The following SENP1 variants were observed in gnomAD, a reference collection of about 807,000 sequenced individuals.
SENP1 encodes the protein SUMO specific peptidase 1.
Under a neutral mutation model 93.0 loss-of-function variants are expected in SENP1, and 21 were observed. The observed-to-expected ratio is 0.23, with a 90% CI of 0.16 to 0.33. The LOEUF (loss-of-function observed/expected upper bound fraction) is 0.33, where lower values mean the gene tolerates loss of function less well. Ranked by LOEUF, SENP1 falls within the 10% of genes least tolerant of loss-of-function variation. The pLI, the probability that SENP1 is intolerant of heterozygous loss-of-function variation, is 1.00. For missense variants in SENP1, 591 were observed against 758.7 expected, an observed-to-expected ratio of 0.78 and a Z score of 2.60; for synonymous variants, 256 against 259.6, an observed-to-expected ratio of 0.99 and a Z score of 0.13.
intron 1 of SENP1, among the ~76,000 whole-genome samples, chr12:48,104,931 G>C (rs765943317): frequency 8.5e-5 from 13 of 152,230 alleles, no homozygotes; most frequent in Non-Finnish European, 1.3e-4. Context: ...AAGGGTGGTA[G>C]AGTGTAAACT....
intron 7 of SENP1, 36 bp from the exon 8 acceptor site, chr12:48,074,643 A>C: frequency 3.1e-6 from 5 of 1,607,500 alleles, no homozygotes; most frequent in Non-Finnish European, 4.3e-6. Flanking sequence ...ATATCAAGTA[A>C]TAAATTGTAG....
At chr12:48,079,065 C>T (rs1393668307) in intron 6 of SENP1, among the ~76,000 whole-genome samples, 1 of 152,102 alleles carries the variant, frequency 6.6e-6, no homozygotes, top group East Asian at 1.9e-4. Flanking sequence ...GAGGGAGTAT[C>T]ACTTGAGCCA....
chr12:48,087,771 TA>T (rs1944979805), intron 5 of SENP1, among the ~76,000 whole-genome samples: 1 of 152,172 alleles, frequency 6.6e-6, no homozygotes, highest in South Asian at 2.1e-4. Context: ...CATAAAATAA[TA>T]AAAGCCATCT....
At chr12:48,079,248 C>G (rs1944345804) in intron 6 of SENP1, among the ~76,000 whole-genome samples, 1 of 152,060 alleles carries the variant, frequency 6.6e-6, no homozygotes, top group Non-Finnish European at 1.5e-5. Context: ...GCCTGTAATA[C>G]CAGCACTTTG....
At chr12:48,098,338 A>C (rs1397366469) in intron 2 of SENP1, among the ~76,000 whole-genome samples, 1 of 151,608 alleles carries the variant, frequency 6.6e-6, no homozygotes, top group Non-Finnish European at 1.5e-5. Context: ...CTGTCTCTAC[A>C]AAAAAATTTA....
At chr12:48,050,621 T>G (rs1261070446) in intron 13 of SENP1, among the ~76,000 whole-genome samples, 1 of 152,210 alleles carries the variant, frequency 6.6e-6, no homozygotes, top group East Asian at 1.9e-4. Flanking sequence ...AAGACACAAT[T>G]AGAATCAGGT....
At chr12:48,100,725 T>TA (rs948648972) in intron 2 of SENP1, among the ~76,000 whole-genome samples, 1 of 152,168 alleles carries the variant, frequency 6.6e-6, no homozygotes, top group African/African-American at 2.4e-5. Flanking sequence ...CTCAGCCAGT[T>TA]ATAGTACATG....
intron 4 of SENP1, among the ~76,000 whole-genome samples, chr12:48,091,263 A>G (rs1945207844): frequency 6.6e-6 from 1 of 152,172 alleles, no homozygotes; most frequent in Admixed American, 6.5e-5. Context: ...CAGCCTAGCC[A>G]GTATGGTGAA....
chr12:48,061,598 G>A (rs978596073), intron 13 of SENP1, among the ~76,000 whole-genome samples: 6 of 151,988 alleles, frequency 3.9e-5, no homozygotes, highest in East Asian at 1.9e-4. Context: ...TGTAGAGATC[G>A]GGTCTTGCTA....
chr12:48,046,371 T>C lies in SENP1; in HGVS notation c.1857A>G (p.Pro619=), dbSNP rs761223341. 9.3e-6 allele frequency: 15 copies of C among 1,612,314 alleles called. No homozygotes were observed. In the East Asian group the frequency reaches 2.9e-4, roughly 31 times the overall value. Residue 619 remains proline, a synonymous_variant, in exon 17 of 18, where the codon CCA becomes CCG. Transcript: ENST00000549518. The stretch of plus-strand genomic sequence containing the variant: ...CTCAGCTCACCTGTGTGAAGTTGAT[T>C]GGTCTGTCTTTGGTAATACAGTCAG... The part of the protein sequence containing the change: ...KYADCITKDR[P]INFTQQHMPY...
At position 48,106,044 on chromosome 12, in the gene SENP1, G is replaced by C. The variant is rs1363478679; in HGVS notation, c.-61C>G. The C allele has an allele frequency of 5.7e-6, 4 of 701,942 alleles. No individual in the cohort carries two copies. The Admixed American group carries it at 8.0e-5, about 14-fold the overall frequency. The allele number at this position is 701,942 out of a possible 1,614,324, so 43.5% of individuals were successfully genotyped here. On this transcript the variant is annotated 5_prime_UTR_variant, in exon 1 of 18. Coordinates refer to ENST00000549518, the MANE Select transcript of SENP1 (RefSeq NM_001267594.2). ...GCCACTCACCGAACCGGAACCGGCT[G>C]CCATGCGAAGGGGTTTCCGGCCGGG...
Position 48,085,670 on chromosome 12 carries a change from A to G in SENP1, c.381-1908T>C, listed in dbSNP as rs11168399. On this transcript the variant is annotated intron_variant, in intron 5 of 17. Transcript: ENST00000549518. ...CTACCTCTTCCCTGTGCTGTTACACAGTGTCATTGTTGATGTTAAATTACA... is the reference window on the plus strand; with the variant it reads ...CTACCTCTTCCCTGTGCTGTTACACGGTGTCATTGTTGATGTTAAATTACA... Among the ~76,000 whole-genome samples the G allele has an allele frequency of 3.0e-4, 44 of 146,858 alleles. No individual in the cohort carries two copies. The East Asian group carries it at 6.5e-3, about 22-fold the overall frequency.
rs370196532 is a variant in SENP1 at position 48,081,127 on chromosome 12, G to A, written c.552+2464C>T. Among the ~76,000 whole-genome samples, 101 of 152,234 alleles carry A rather than the reference G, an allele frequency of 6.6e-4. 1 individual carries two copies. The South Asian group carries it at 0.019, about 28-fold the overall frequency. On this transcript the variant is annotated intron_variant, in intron 6 of 17. Transcript: ENST00000549518. ...TGAGCAACAGAAACATGGGGCAGGC[G>A]AGGGTTAGGAGCCCTGTACCCAGCT...
In SENP1 at chr12:48,086,099, T is replaced by C. The variant is rs141684981; in HGVS notation, c.381-2337A>G. Among the ~76,000 whole-genome samples, 432 of 152,294 alleles carry C rather than the reference T, an allele frequency of 2.8e-3. 1 individual carries two copies. The highest frequency in any genetic ancestry group is 8.9e-3 in the African/African-American group (368 of 41,562). ...AGCATTAAAAGTATAACAATTATAG[T>C]GGATTACAAAATACTGAATCCATAA... is the stretch of plus-strand genomic sequence containing the variant. On this transcript the variant is annotated intron_variant, in intron 5 of 17. Transcript: ENST00000549518.
At chr12:48,064,677 TTGTG>T (rs1048400437) in intron 12 of SENP1, among the ~76,000 whole-genome samples, 28 of 151,978 alleles carry the variant, frequency 1.8e-4, no homozygotes, top group Non-Finnish European at 4.1e-4. Flanking sequence ...CTATGGCTTT[TTGTG>T]TGTGTGTGTA....
At chr12:48,085,108 C>T (rs1944761854) in intron 5 of SENP1, 8 of 1,384,378 alleles carry the variant, frequency 5.8e-6, no homozygotes, top group South Asian at 2.4e-5. Context: ...GACAAGGACA[C>T]GGTGACTGGT....
chr12:48,070,707 G>A (rs1382064424), intron 9 of SENP1, among the ~76,000 whole-genome samples: 1 of 152,148 alleles, frequency 6.6e-6, no homozygotes, highest in Non-Finnish European at 1.5e-5. Flanking sequence ...ACCCTTGAAG[G>A]AGGTTAACAA....
chr12:48,083,870 T>C, intron 5 of SENP1, 108 bp from the exon 6 acceptor site: 1 of 716,068 alleles, frequency 1.4e-6, no homozygotes, highest in Non-Finnish European at 2.3e-6. Context: ...ACAAAACAGG[T>C]AAAATAATAG....
chr12:48,063,409 G>A (rs1274535308), intron 13 of SENP1, among the ~76,000 whole-genome samples: 1 of 152,180 alleles, frequency 6.6e-6, no homozygotes, highest in African/African-American at 2.4e-5. Context: ...GAGATGAACT[G>A]CAGAATAGGA....
Sources: gnomAD v4.1 joint callset for allele counts (sites outside exome capture counted in the v4.1 genomes callset) on GRCh38, gnomAD v4.1.1 for gene constraint, MANE v1.5 for transcripts, NCBI Gene and HGNC (gene_info 2026-07-23, HGNC 2026-07-21) for gene names.